AFG2A: variants seen among roughly 807,000 people sequenced by gnomAD.
The protein encoded by AFG2A is ATPase family gene 2 protein homolog A.
the AFG2A span, among the ~76,000 whole-genome samples, chr4:123,275,959 G>C: frequency 1.3e-5 from 2 of 152,132 alleles, no homozygotes; most frequent in Non-Finnish European, 2.9e-5. Flanking sequence ...ACATACATGT[G>C]TCTTTATAGT....
the AFG2A span, among the ~76,000 whole-genome samples, chr4:123,021,601 A>T: frequency 3.5e-3 from 526 of 152,346 alleles, 6 homozygotes; most frequent in African/African-American, 0.012. Context: ...AAGCTCTCTC[A>T]GTGTGTCTCA....
chr4:123,103,700 T>C, the AFG2A span, among the ~76,000 whole-genome samples: 3 of 152,154 alleles, frequency 2.0e-5, no homozygotes, highest in Non-Finnish European at 4.4e-5. Flanking sequence ...CAAAGACCTG[T>C]TTGTAATGTT....
the AFG2A span, among the ~76,000 whole-genome samples, chr4:123,150,505 T>C: frequency 6.6e-6 from 1 of 152,286 alleles, no homozygotes; most frequent in African/African-American, 2.4e-5. Context: ...AAATCATCAG[T>C]GAACTCCCAT....
chr4:123,007,999 G>A, the AFG2A span, among the ~76,000 whole-genome samples: 1 of 151,804 alleles, frequency 6.6e-6, no homozygotes, highest in Non-Finnish European at 1.5e-5. Flanking sequence ...TTTTTGTTTT[G>A]TTTTTTCCAG....
At chr4:123,002,570 G>A in the AFG2A span, among the ~76,000 whole-genome samples, 5 of 152,072 alleles carry the variant, frequency 3.3e-5, no homozygotes, top group African/African-American at 7.3e-5. Context: ...ATGAAGCTTA[G>A]TTTGGCTGGA....
chr4:123,174,377 A>G, the AFG2A span, among the ~76,000 whole-genome samples: 1,724 of 152,336 alleles, frequency 0.011, 35 homozygotes, highest in South Asian at 0.092. Flanking sequence ...GCACATAACA[A>G]CATAAAGATA....
the AFG2A span, among the ~76,000 whole-genome samples, chr4:123,249,915 G>T: frequency 6.6e-6 from 1 of 152,090 alleles, no homozygotes; most frequent in Non-Finnish European, 1.5e-5. Context: ...ATTCAGAGCC[G>T]TTACCAAAGA....
the AFG2A span, chr4:122,929,323 A>G: frequency 2.8e-6 from 3 of 1,060,654 alleles, no homozygotes; most frequent in Non-Finnish European, 3.9e-6. Context: ...AGAGAGAAAC[A>G]GGTACAATGA....
chr4:123,271,298 A>C, the AFG2A span, among the ~76,000 whole-genome samples: 1 of 152,206 alleles, frequency 6.6e-6, no homozygotes, highest in Non-Finnish European at 1.5e-5. Flanking sequence ...TTGTAAGAAA[A>C]TAATAGTTGG....
the AFG2A span, among the ~76,000 whole-genome samples, chr4:123,191,529 G>T: frequency 1.3e-5 from 2 of 152,096 alleles, no homozygotes. Flanking sequence ...GGAAATTCTT[G>T]TGACTATACA....
the AFG2A span, chr4:122,923,262 G>T: frequency 6.2e-7 from 1 of 1,614,130 alleles, no homozygotes. Flanking sequence ...CAGACTTCGC[G>T]GCAACCTCCG....
the AFG2A span, among the ~76,000 whole-genome samples, chr4:123,276,791 T>G: frequency 2.6e-4 from 40 of 152,306 alleles, no homozygotes; most frequent in African/African-American, 8.4e-4. Flanking sequence ...CAGATAGTTG[T>G]AGGCATATGG....
the AFG2A span, among the ~76,000 whole-genome samples, chr4:123,047,891 G>T: frequency 6.6e-6 from 1 of 151,944 alleles, no homozygotes; most frequent in African/African-American, 2.4e-5. Context: ...TTATTGTAGA[G>T]GTGGGGTCTT....
the AFG2A span, among the ~76,000 whole-genome samples, chr4:123,288,663 C>G: frequency 3.9e-5 from 6 of 152,152 alleles, no homozygotes; most frequent in Non-Finnish European, 8.8e-5. Context: ...AACCTTTCTT[C>G]TAGAACATTG....
At chr4:123,059,545 G>A in the AFG2A span, among the ~76,000 whole-genome samples, 3 of 150,448 alleles carry the variant, frequency 2.0e-5, no homozygotes, top group Non-Finnish European at 4.5e-5. Flanking sequence ...TCTTAATCCT[G>A]TCTATCATTG....
At chr4:123,196,006 GTT>G in the AFG2A span, among the ~76,000 whole-genome samples, 4,515 of 142,582 alleles carry the variant, frequency 0.032, 259 homozygotes, top group African/African-American at 0.11. Context: ...TACCATCCTT[GTT>G]TTTTTTTTTT....
the AFG2A span, among the ~76,000 whole-genome samples, chr4:123,076,965 TGTG>T: frequency 7.3e-5 from 11 of 149,892 alleles, no homozygotes; most frequent in East Asian, 2.0e-3. Context: ...GTGCTGTGTG[TGTG>T]TGTGTGTGGT....
chr4:123,055,669 G>A, the AFG2A span, among the ~76,000 whole-genome samples: 2 of 152,188 alleles, frequency 1.3e-5, no homozygotes, highest in Non-Finnish European at 2.9e-5. Context: ...TTCAAAGTAA[G>A]GGGTGTGTGT....
At chr4:122,983,848 G>T in the AFG2A span, among the ~76,000 whole-genome samples, 1 of 152,198 alleles carries the variant, frequency 6.6e-6, no homozygotes, top group Non-Finnish European at 1.5e-5. Flanking sequence ...GAGCTGGGTA[G>T]ACTTGCTGGG....
Sources: allele counts gnomAD v4.1 joint callset (sites outside exome capture counted in the v4.1 genomes callset), GRCh38; gene constraint gnomAD v4.1.1; transcripts MANE v1.5; gene names NCBI Gene and HGNC (gene_info 2026-07-23, HGNC 2026-07-21).